The following AFF3 variants were observed in gnomAD, a reference collection of about 807,000 sequenced individuals.
The protein encoded by AFF3 is AF4/FMR2 family member 3.
Under a neutral mutation model 129.7 loss-of-function variants are expected in AFF3, and 32 were observed. The observed-to-expected ratio is 0.25, with a 90% CI of 0.19 to 0.33. AFF3 has a LOEUF of 0.33. Ranked by LOEUF, AFF3 falls within the 10% of genes least tolerant of loss-of-function variation. The pLI is 1.00. For synonymous variants in AFF3, 644 were observed against 635.4 expected (o/e 1.01, Z -0.20); for missense variants, 1,373 against 1,592.0 (o/e 0.86, Z 2.34).
At chr2:99,569,080 C>T (rs1036633932) in intron 18 of AFF3, among the ~76,000 whole-genome samples, 165 bp from the exon 19 acceptor site, 15 of 152,200 alleles carry the variant, frequency 9.9e-5, no homozygotes, top group African/African-American at 3.6e-4. Context: ...ATGTCAAATA[C>T]CACAATACAT....
chr2:99,917,102 G>A (rs147183325), intron 7 of AFF3, among the ~76,000 whole-genome samples: 2 of 152,286 alleles, frequency 1.3e-5, no homozygotes, highest in African/African-American at 4.8e-5. Context: ...GGGCAAGCTG[G>A]GTCCTGGCAG....
At chr2:99,739,102 C>T (rs541794559) in intron 10 of AFF3, among the ~76,000 whole-genome samples, 84 of 149,574 alleles carry the variant, frequency 5.6e-4, no homozygotes, top group African/African-American at 2.0e-3. Context: ...TGTGGGAATC[C>T]GTGAGGATGG....
At chr2:99,749,040 A>G (rs1681406669) in intron 9 of AFF3, among the ~76,000 whole-genome samples, 1 of 152,204 alleles carries the variant, frequency 6.6e-6, no homozygotes, top group African/African-American at 2.4e-5. Context: ...GTGTGTACAC[A>G]TATGTGTGTG....
In AFF3 at chr2:100,072,419, C is replaced by T. The variant is rs541869581; in HGVS notation, c.53+31983G>A. Among the ~76,000 whole-genome samples, 6 of 152,258 alleles carry T rather than the reference C, an allele frequency of 3.9e-5. No individual in the cohort carries two copies. In the East Asian group the frequency reaches 5.8e-4, roughly 15 times the overall value. ...ATGGAACAACTGTCTTCCACGAAACCGGTCCCTGGTGCCAAAAAGGTTGGG... is the reference window on the plus strand; with the variant it reads ...ATGGAACAACTGTCTTCCACGAAACTGGTCCCTGGTGCCAAAAAGGTTGGG... On this transcript the variant is annotated intron_variant, in intron 4 of 24. Coordinates refer to ENST00000672756, the MANE Select transcript of AFF3 (RefSeq NM_001386135.1).
rs1373317733 is a variant in AFF3, at chr2:99,572,289, CA to C, written c.2919-3375del. Among the ~76,000 whole-genome samples, 531 of 74,820 alleles carry C rather than the reference CA, an allele frequency of 7.1e-3. 2 individuals carry two copies. The highest frequency in any genetic ancestry group is 0.024 in the African/African-American group (406 of 16,632). 49.1% of individuals were successfully genotyped at this position (74,820 alleles called of 152,430 possible). ...TTTTCTTTTCTTCTCTTCCCCCTCC[CA>C]CCACCCCCCCCCCCCCACCTAGAAA... On this transcript the variant is annotated intron_variant, in intron 18 of 24. Transcript: ENST00000672756.
At chr2:100,068,729 G>C (rs757708341) in intron 4 of AFF3, among the ~76,000 whole-genome samples, 19 of 152,156 alleles carry the variant, frequency 1.2e-4, no homozygotes, top group Non-Finnish European at 2.2e-4. Flanking sequence ...TGGGACTCCC[G>C]ACGCCCACCA....
intron 12 of AFF3, among the ~76,000 whole-genome samples, chr2:99,651,401 G>A (rs1685240182): frequency 1.3e-5 from 2 of 151,912 alleles, no homozygotes; most frequent in African/African-American, 4.8e-5. Context: ...CAAGGAGTGT[G>A]CAATGGTCCT....
At chr2:99,640,351 T>C (rs1305999586) in intron 13 of AFF3, among the ~76,000 whole-genome samples, 1 of 152,022 alleles carries the variant, frequency 6.6e-6, no homozygotes, top group Non-Finnish European at 1.5e-5. Context: ...TGATTTTTCT[T>C]GGTGGTGCGA....
chr2:99,764,592 C>A (rs1457333507), intron 8 of AFF3, among the ~76,000 whole-genome samples: 1 of 152,168 alleles, frequency 6.6e-6, no homozygotes, highest in Non-Finnish European at 1.5e-5. Flanking sequence ...TTTCAATGTT[C>A]ATTTTATTAC....
chr2:99,681,813 ATT>A (rs575567019), intron 11 of AFF3, among the ~76,000 whole-genome samples: 1 of 146,740 alleles, frequency 6.8e-6, no homozygotes, highest in African/African-American at 2.5e-5. Context: ...AGCCTGAGGT[ATT>A]TTTTTTTTTA....
At position 99,548,947 on chromosome 2, in the gene AFF3, C is replaced by A. The variant is rs1033402201; in HGVS notation, c.*2527G>T. 3 of 231,900 alleles carry A rather than the reference C, an allele frequency of 1.3e-5. No homozygotes were observed. The highest frequency in any genetic ancestry group is 6.6e-5 in the African/African-American group (3 of 45,290). 14.4% of individuals were successfully genotyped at this position (231,900 alleles called of 1,614,324 possible). ...CAGTCATAAGAACTACACGCTCTGA[C>A]CACTGCCCACAACGGTAAGTTTCAA... On this transcript the variant is annotated 3_prime_UTR_variant, in exon 25 of 25. Coordinates refer to ENST00000672756, the MANE Select transcript of AFF3 (RefSeq NM_001386135.1).
chr2:99,993,116 A>G (rs1027843219), intron 7 of AFF3, among the ~76,000 whole-genome samples: 1 of 152,228 alleles, frequency 6.6e-6, no homozygotes, highest in South Asian at 2.1e-4. Context: ...AATGTCACAG[A>G]GCAGAACTAG....
intron 7 of AFF3, among the ~76,000 whole-genome samples, chr2:99,863,023 T>A (rs1691113544): frequency 6.6e-6 from 1 of 152,272 alleles, no homozygotes; most frequent in Non-Finnish European, 1.5e-5. Context: ...TCAGTGGATG[T>A]GTTTCCTGCA....
Position 99,551,521 on chromosome 2 carries a change from A to C in AFF3, c.3634T>G (p.Ser1212Ala), listed in dbSNP as rs749226605. The change falls in exon 25 of 25, where the codon TCC (serine) becomes GCC (alanine). Residue 1212 changes from serine to alanine, a missense_variant. Transcript: ENST00000672756. ...HSSMEHLVQYSQQGLHWLRNS... is the reference protein window; with the variant it reads ...HSSMEHLVQYAQQGLHWLRNS... ...CGCAGCCAGTGCAGGCCCTGTTGGG[A>C]GTACTGGACCAGGTGCTCCATGCTG... The C allele has an allele frequency of 1.2e-6, 2 of 1,614,112 alleles. No homozygotes were observed. The highest frequency in any genetic ancestry group is 2.2e-5 in the South Asian group (2 of 91,070).
chr2:100,049,165 T>A (rs976568595), intron 4 of AFF3, among the ~76,000 whole-genome samples: 3 of 152,130 alleles, frequency 2.0e-5, no homozygotes, highest in Non-Finnish European at 2.9e-5. Context: ...GAAAGAACCT[T>A]ATAGCACAGA....
chr2:99,672,178 TCA>T (rs1177303721), intron 12 of AFF3, among the ~76,000 whole-genome samples: 894 of 56,270 alleles, frequency 0.016, 8 homozygotes, highest in Non-Finnish European at 0.02. Context: ...AGTTAGCTTC[TCA>T]CACACACACA....
intron 8 of AFF3, among the ~76,000 whole-genome samples, chr2:99,788,739 A>T (rs1043684641): frequency 6.6e-6 from 1 of 152,222 alleles, no homozygotes; most frequent in Non-Finnish European, 1.5e-5. Flanking sequence ...AGGCCTTCAC[A>T]TTCACTCAGC....
At chr2:100,097,548 C>CT (rs1405188081) in intron 4 of AFF3, among the ~76,000 whole-genome samples, 3 of 151,034 alleles carry the variant, frequency 2.0e-5, no homozygotes, top group African/African-American at 7.3e-5. Flanking sequence ...CCTTCAAACA[C>CT]TTAAGGCCCC....
At chr2:99,628,591 C>G (rs1486167202) in intron 13 of AFF3, among the ~76,000 whole-genome samples, 1 of 151,726 alleles carries the variant, frequency 6.6e-6, no homozygotes, top group Non-Finnish European at 1.5e-5. Flanking sequence ...GAGTCTCGCT[C>G]TGTCACCCAT....
Sources: allele counts gnomAD v4.1 joint callset (sites outside exome capture counted in the v4.1 genomes callset), GRCh38; gene constraint gnomAD v4.1.1; transcripts MANE v1.5; gene names NCBI Gene and HGNC (gene_info 2026-07-23, HGNC 2026-07-21).